CTDSPL: variants seen among roughly 807,000 people sequenced by gnomAD.
CTDSPL encodes CTD small phosphatase-like protein.
CTDSPL carries 8 observed loss-of-function variants against 30.5 expected under a neutral mutation model. That is an observed-to-expected ratio of 0.26 (90% CI 0.15 to 0.47). The LOEUF is 0.47. Ranked by LOEUF, CTDSPL falls within the 20% of genes least tolerant of loss-of-function variation. The probability of loss-of-function intolerance (pLI) is 0.99; values close to 1 mark genes in which losing one functional copy is unlikely to be tolerated. For synonymous variants in CTDSPL, 110 were observed against 137.9 expected, an observed-to-expected ratio of 0.80 and a Z score of 1.42; for missense variants, 248 against 366.1, an observed-to-expected ratio of 0.68 and a Z score of 2.63.
rs751478285 is a variant in CTDSPL, at chr3:37,971,367, C to G, written c.427-40C>G. On this transcript the variant is annotated intron_variant, in intron 5 of 7. Transcript: ENST00000273179. The stretch of plus-strand genomic sequence containing the variant: ...TTGGGCCCCAGGCCATCCCCAGCAA[C>G]TGCCACATCTGACCAGCCTGCTGTC... The G allele has an allele frequency of 2.5e-6, 4 of 1,585,034 alleles. No individual in the cohort carries two copies. The African/African-American group carries it at 5.4e-5, about 21-fold the overall frequency.
intron 1 of CTDSPL, among the ~76,000 whole-genome samples, chr3:37,916,653 A>G (rs989256067): frequency 6.6e-6 from 1 of 152,228 alleles, no homozygotes; most frequent in African/African-American, 2.4e-5. Context: ...AGGAAGAGGC[A>G]TGGCCCTCCT....
chr3:37,950,122 T>TG (rs1475324481), intron 2 of CTDSPL, among the ~76,000 whole-genome samples: 2 of 152,196 alleles, frequency 1.3e-5, no homozygotes, highest in African/African-American at 4.8e-5. Context: ...GCTTGTGCCT[T>TG]GGAGGAGCCA....
At chr3:37,937,448 G>A (rs1039344719) in intron 1 of CTDSPL, among the ~76,000 whole-genome samples, 10 of 150,258 alleles carry the variant, frequency 6.7e-5, no homozygotes, top group East Asian at 1.9e-4. Flanking sequence ...TCCTCCTCAC[G>A]TTTGCCCTCC....
At chr3:37,904,563 C>G (rs1698490693) in intron 1 of CTDSPL, among the ~76,000 whole-genome samples, 1 of 152,158 alleles carries the variant, frequency 6.6e-6, no homozygotes, top group Non-Finnish European at 1.5e-5. Context: ...CTAGCCCACC[C>G]CGGGCTCCCA....
At chr3:37,951,316 C>T (rs1398975557) in intron 2 of CTDSPL, among the ~76,000 whole-genome samples, 1 of 151,752 alleles carries the variant, frequency 6.6e-6, no homozygotes, top group African/African-American at 2.4e-5. Context: ...TGCATTGAGC[C>T]GAGATCGCCA....
intron 1 of CTDSPL, among the ~76,000 whole-genome samples, chr3:37,921,006 G>A (rs1300877624): frequency 6.6e-6 from 1 of 152,224 alleles, no homozygotes; most frequent in East Asian, 1.9e-4. Context: ...GGTCTTTTGG[G>A]CCTCTGTGAG....
At chr3:37,867,757 T>C (rs1575273547) in intron 1 of CTDSPL, among the ~76,000 whole-genome samples, 1 of 152,324 alleles carries the variant, frequency 6.6e-6, no homozygotes, top group Middle Eastern at 3.4e-3. Context: ...TAATTGTATA[T>C]TTCATTATCA....
chr3:37,932,348 C>T (rs1698864462), intron 1 of CTDSPL, among the ~76,000 whole-genome samples: 1 of 152,096 alleles, frequency 6.6e-6, no homozygotes, highest in African/African-American at 2.4e-5. Context: ...TTCCTAAAAG[C>T]TTAAAACTTC....
intron 1 of CTDSPL, among the ~76,000 whole-genome samples, chr3:37,879,861 TG>T (rs1161346859): frequency 6.6e-6 from 1 of 152,064 alleles, no homozygotes; most frequent in Non-Finnish European, 1.5e-5. Flanking sequence ...TATTATTTTA[TG>T]TATACATATA....
chr3:37,864,551 A>G (rs1276981112), intron 1 of CTDSPL, among the ~76,000 whole-genome samples: 1 of 152,050 alleles, frequency 6.6e-6, no homozygotes, highest in Non-Finnish European at 1.5e-5. Context: ...ATCCTACTCA[A>G]TTTAGTTCTT....
intron 1 of CTDSPL, among the ~76,000 whole-genome samples, chr3:37,871,453 G>C (rs1698070544): frequency 2.6e-5 from 4 of 152,074 alleles, no homozygotes; most frequent in Admixed American, 2.6e-4. Flanking sequence ...TAAGTTTTCA[G>C]CTCTTTAGGG....
At position 37,862,955 on chromosome 3, in the gene CTDSPL, G is replaced by A. The variant is rs1387583066; in HGVS notation, c.79+677G>A. Reference sequence around the variant, plus strand: ...TGTGTGTGTGTAAATTGTATACAATGAGGCTGTGTGCATCAGTGCACCTAA... The same window carrying A: ...TGTGTGTGTGTAAATTGTATACAATAAGGCTGTGTGCATCAGTGCACCTAA... On this transcript the variant is annotated intron_variant, in intron 1 of 7. Coordinates refer to ENST00000273179, the MANE Select transcript of CTDSPL (RefSeq NM_001008392.2). The surrounding 1 kb of genome is among the most constrained non-coding windows in gnomAD (Gnocchi z 4.3). Among the ~76,000 whole-genome samples the A allele has an allele frequency of 6.6e-6, 1 of 152,222 alleles. No homozygotes were observed. The highest frequency in any genetic ancestry group is 2.4e-5 in the African/African-American group (1 of 41,462).
rs534738453 is a variant in CTDSPL, at chr3:37,891,534, G to C, written c.79+29256G>C. ...TGTCCTCTTTTACTGCAGGCTTAGA[G>C]TGCCGTTTTATAGTGGAAACTGTTG... On this transcript the variant is annotated intron_variant, in intron 1 of 7. Coordinates refer to ENST00000273179, the MANE Select transcript of CTDSPL (RefSeq NM_001008392.2). Among the ~76,000 whole-genome samples, 4 of 152,322 alleles carry C rather than the reference G, an allele frequency of 2.6e-5. No homozygotes were observed. The East Asian group carries it at 7.7e-4, about 29-fold the overall frequency.
intron 2 of CTDSPL, among the ~76,000 whole-genome samples, chr3:37,948,808 CTTTTTTT>C (rs71635858): frequency 9.2e-6 from 1 of 108,150 alleles, no homozygotes; most frequent in South Asian, 2.8e-4. Flanking sequence ...TTCCAGCTTT[CTTTTTTT>C]TTTTTTTTTT....
At chr3:37,958,006 A>C (rs1202844112) in intron 3 of CTDSPL, among the ~76,000 whole-genome samples, 1 of 152,230 alleles carries the variant, frequency 6.6e-6, no homozygotes, top group African/African-American at 2.4e-5. Flanking sequence ...TTAATTTTTT[A>C]GTCTGTAAAG....
intron 1 of CTDSPL, among the ~76,000 whole-genome samples, chr3:37,890,292 T>C (rs1024021165): frequency 1.3e-5 from 2 of 152,188 alleles, no homozygotes; most frequent in African/African-American, 4.8e-5. Flanking sequence ...ATGTTAACTG[T>C]AAGGGAGTTG....
intron 1 of CTDSPL, among the ~76,000 whole-genome samples, chr3:37,929,402 C>T (rs1698822757): frequency 4.6e-5 from 7 of 152,146 alleles, no homozygotes; most frequent in Admixed American, 4.6e-4. Context: ...AATATTAGGT[C>T]TTCCACTCCA....
chr3:37,914,429 C>A (rs1292023707), intron 1 of CTDSPL, among the ~76,000 whole-genome samples: 1 of 152,122 alleles, frequency 6.6e-6, no homozygotes, highest in East Asian at 1.9e-4. Flanking sequence ...CAGCAGGAAG[C>A]CTTCAGTATT....
chr3:37,865,748 T>C (rs1404770407), intron 1 of CTDSPL, among the ~76,000 whole-genome samples: 1 of 152,176 alleles, frequency 6.6e-6, no homozygotes, highest in East Asian at 1.9e-4. Context: ...CAGCCACCTT[T>C]AGGGCTGGAA....
Sources: gnomAD v4.1 joint callset for allele counts (sites outside exome capture counted in the v4.1 genomes callset) on GRCh38, gnomAD v4.1.1 for gene constraint, Gnocchi (gnomAD v3.1) non-coding constraint, MANE v1.5 for transcripts, NCBI Gene and HGNC (gene_info 2026-07-23, HGNC 2026-07-21) for gene names.